The following CNOT2 variants were observed in gnomAD, a reference collection of about 807,000 sequenced individuals.
The protein encoded by CNOT2 is CC chemokine receptor 4-negative regulator of transcription 2.
CNOT2 carries 7 observed loss-of-function variants against 72.1 expected under a neutral mutation model. The ratio of observed to expected loss-of-function variants is 0.10; its 90% CI spans 0.06 to 0.18. The LOEUF (loss-of-function observed/expected upper bound fraction) is 0.18. CNOT2 is among the 10% of genes least tolerant of loss of function. The pLI is 1.00. For missense variants in CNOT2, 345 were observed against 660.3 expected, an observed-to-expected ratio of 0.52 and a Z score of 5.23; for synonymous variants, 196 against 225.6, an observed-to-expected ratio of 0.87 and a Z score of 1.17.
At chr12:70,294,377 T>A in intron 2 of CNOT2, 1 of 841,570 alleles carries the variant, frequency 1.2e-6, no homozygotes, top group South Asian at 1.5e-5. Flanking sequence ...ATTTTATCAA[T>A]GAGTCATTTT....
chr12:70,310,873 T>TAA, intron 2 of CNOT2, 22 bp from the exon 3 acceptor site: 1 of 1,607,478 alleles, frequency 6.2e-7, no homozygotes, highest in Non-Finnish European at 8.5e-7. Context: ...TTACCCCTGA[T>TAA]AAAAGTAATA....
intron 1 of CNOT2, among the ~76,000 whole-genome samples, chr12:70,246,901 G>A (rs1957899199): frequency 1.3e-5 from 2 of 152,082 alleles, no homozygotes; most frequent in African/African-American, 4.8e-5. Context: ...AAATCTGTTG[G>A]TATCTGTTGG....
chr12:70,309,623 C>T (rs12302315), intron 2 of CNOT2, among the ~76,000 whole-genome samples: 2,051 of 152,108 alleles, frequency 0.013, 45 homozygotes, highest in African/African-American at 0.046. Context: ...TATTCTTAGT[C>T]ATAATGAATG....
intron 1 of CNOT2, among the ~76,000 whole-genome samples, chr12:70,268,636 T>G (rs553891204): frequency 1.1e-4 from 16 of 152,088 alleles, no homozygotes; most frequent in Non-Finnish European, 2.2e-4. Context: ...AATTTTTTTT[T>G]TTTTGGTAGT....
At chr12:70,322,476 A>G (rs1878449851) in intron 4 of CNOT2, 1 of 151,754 alleles carries the variant, frequency 6.6e-6, no homozygotes. Flanking sequence ...ACCTTGTAAG[A>G]TTGGAGAAAA....
At chr12:70,338,369 A>G (rs1267615963) in intron 9 of CNOT2, 74 bp from the exon 10 acceptor site, 29 of 1,196,786 alleles carry the variant, frequency 2.4e-5, no homozygotes, top group Non-Finnish European at 3.2e-5. Flanking sequence ...AATAAATAGC[A>G]AGGTATTAAT....
Position 70,354,082 on chromosome 12 carries a change from T to G in CNOT2, c.*167T>G, listed in dbSNP as rs780145489. ...AAAGGTCACCATTTGAGGTCCTGCC[T>G]TACTAATTATGTGCTGCCCAACAAC... On this transcript the variant is annotated 3_prime_UTR_variant, in exon 16 of 16. Transcript: ENST00000229195. 9 of 1,234,756 alleles carry G rather than the reference T, an allele frequency of 7.3e-6. No individual in the cohort carries two copies. Among genetic ancestry groups the G allele is most frequent in the African/African-American group, 1.5e-5 (1 of 65,560 alleles). 76.5% of individuals were successfully genotyped at this position (1,234,756 alleles called of 1,614,324 possible).
chr12:70,285,205 T>G (rs1870653077), intron 2 of CNOT2, among the ~76,000 whole-genome samples: 1 of 151,250 alleles, frequency 6.6e-6, no homozygotes, highest in Non-Finnish European at 1.5e-5. Flanking sequence ...TTTGATTTTG[T>G]TTTTGTTTTT....
At chr12:70,251,376 A>G (rs1958135685) in intron 1 of CNOT2, among the ~76,000 whole-genome samples, 2 of 152,150 alleles carry the variant, frequency 1.3e-5, no homozygotes, top group Non-Finnish European at 2.9e-5. Flanking sequence ...AGCATTGTAA[A>G]TGCACAAATC....
At chr12:70,306,582 A>G (rs574346562) in intron 2 of CNOT2, among the ~76,000 whole-genome samples, 1 of 149,502 alleles carries the variant, frequency 6.7e-6, no homozygotes, top group African/African-American at 2.5e-5. Flanking sequence ...TGCTACATGC[A>G]TATATTCTTT....
intron 2 of CNOT2, chr12:70,294,157 C>T (rs1872444332): frequency 7.8e-7 from 1 of 1,289,278 alleles, no homozygotes; most frequent in Non-Finnish European, 1.0e-6. Context: ...GGCGTCAACC[C>T]TGCTGTAATA....
chr12:70,291,381 A>C (rs1257703588), intron 2 of CNOT2, among the ~76,000 whole-genome samples: 2 of 152,254 alleles, frequency 1.3e-5, no homozygotes, highest in East Asian at 3.8e-4. Flanking sequence ...TGCTACCGGC[A>C]CATGAAATTT....
intron 13 of CNOT2, 193 bp downstream of exon 13, chr12:70,342,500 C>T (rs1881639889): frequency 1.6e-6 from 1 of 611,266 alleles, no homozygotes; most frequent in African/African-American, 1.9e-5. Flanking sequence ...CATTTAACAA[C>T]AGGTTACAAC....
intron 1 of CNOT2, among the ~76,000 whole-genome samples, chr12:70,266,963 A>T (rs899598489): frequency 2.7e-5 from 4 of 146,966 alleles, no homozygotes; most frequent in African/African-American, 9.9e-5. Context: ...TGTTTGTTCC[A>T]TTTGCTTTTT....
intron 3 of CNOT2, among the ~76,000 whole-genome samples, chr12:70,311,537 T>C (rs1041717722): frequency 6.6e-6 from 1 of 152,018 alleles, no homozygotes; most frequent in African/African-American, 2.4e-5. Flanking sequence ...CAAAATGTGA[T>C]GGATGATATA....
chr12:70,293,975 T>C (rs192460580), intron 2 of CNOT2: 68 of 372,608 alleles, frequency 1.8e-4, no homozygotes, highest in Admixed American at 2.9e-4. Context: ...GAAAGATGAA[T>C]CTGGGTTTGG....
chr12:70,247,918 T>C (rs1415385763), intron 1 of CNOT2, among the ~76,000 whole-genome samples: 1 of 152,234 alleles, frequency 6.6e-6, no homozygotes, highest in Non-Finnish European at 1.5e-5. Flanking sequence ...CTTGAATCCT[T>C]TCTTACAGTT....
intron 2 of CNOT2, among the ~76,000 whole-genome samples, chr12:70,291,719 C>A (rs753913829): frequency 1.8e-4 from 28 of 152,186 alleles, no homozygotes; most frequent in Non-Finnish European, 3.7e-4. Flanking sequence ...GGGCAGATCA[C>A]CAGGTCAGGA....
At chr12:70,244,176 A>C (rs1032086143) in intron 1 of CNOT2, 2 of 152,278 alleles carry the variant, frequency 1.3e-5, no homozygotes, top group Non-Finnish European at 2.9e-5. Context: ...CGCCTCTGCC[A>C]CCGCACCAGG....
Sources: gnomAD v4.1 joint callset for allele counts (sites outside exome capture counted in the v4.1 genomes callset) on GRCh38, gnomAD v4.1.1 for gene constraint, MANE v1.5 for transcripts, NCBI Gene and HGNC (gene_info 2026-07-23, HGNC 2026-07-21) for gene names.